Variants in PCSK2 observed in about 807,000 individuals in gnomAD.
The protein encoded by PCSK2 is proprotein convertase subtilisin/kexin type 2, also known as neuroendocrine convertase 2.
In PCSK2, 14 loss-of-function variants were observed where a neutral mutation model predicts 69.7. The observed-to-expected ratio is 0.20, with a 90% CI of 0.13 to 0.31. The LOEUF (loss-of-function observed/expected upper bound fraction) is 0.31. PCSK2 is among the 10% of genes least tolerant of loss of function. PCSK2 has a pLI of 1.00. For synonymous variants in PCSK2, 307 were observed against 320.7 expected (o/e 0.96, Z 0.46); for missense variants, 544 against 842.5 (o/e 0.65, Z 4.39).
intron 1 of PCSK2, among the ~76,000 whole-genome samples, chr20:17,252,575 C>T (rs1987022709): frequency 6.6e-6 from 1 of 152,194 alleles, no homozygotes; most frequent in African/African-American, 2.4e-5. Context: ...AACTAACTTG[C>T]CAAAGGTCAT....
At chr20:17,448,893 C>CTTTTT (rs11468966) in intron 8 of PCSK2, among the ~76,000 whole-genome samples, 4 of 136,462 alleles carry the variant, frequency 2.9e-5, no homozygotes, top group Admixed American at 7.3e-5. Flanking sequence ...ATGCACTTGC[C>CTTTTT]TTTTTTTTTT....
intron 2 of PCSK2, among the ~76,000 whole-genome samples, chr20:17,349,676 A>G (rs1344863803): frequency 6.6e-6 from 1 of 152,220 alleles, no homozygotes; most frequent in East Asian, 1.9e-4. Context: ...AAAAATCCTC[A>G]GACTATAATA....
At chr20:17,370,531 T>A (rs1333409989) in intron 5 of PCSK2, among the ~76,000 whole-genome samples, 1 of 152,154 alleles carries the variant, frequency 6.6e-6, no homozygotes, top group Non-Finnish European at 1.5e-5. Context: ...TGACAGAAAT[T>A]AAACCAAAGC....
intron 8 of PCSK2, among the ~76,000 whole-genome samples, chr20:17,441,034 C>T (rs2032585368): frequency 6.6e-6 from 1 of 152,154 alleles, no homozygotes; most frequent in Non-Finnish European, 1.5e-5. Flanking sequence ...GGGGCTAGGC[C>T]ACACTCACCC....
At chr20:17,230,719 A>G (rs1986115565) in intron 1 of PCSK2, among the ~76,000 whole-genome samples, 1 of 152,230 alleles carries the variant, frequency 6.6e-6, no homozygotes, top group South Asian at 2.1e-4. Context: ...GACATACTAT[A>G]TCTTTATATA....
chr20:17,293,932 T>C (rs1988779766), intron 2 of PCSK2, among the ~76,000 whole-genome samples: 1 of 152,082 alleles, frequency 6.6e-6, no homozygotes, highest in Non-Finnish European at 1.5e-5. Flanking sequence ...GCTGGTCCAG[T>C]CCCTTTTTGA....
chr20:17,358,909 T>G (rs2030299087), intron 3 of PCSK2, among the ~76,000 whole-genome samples: 6 of 152,220 alleles, frequency 3.9e-5, no homozygotes. Context: ...CATCTATTAA[T>G]GCTTCCTAAA....
chr20:17,391,679 C>G (rs1000097861), intron 5 of PCSK2, among the ~76,000 whole-genome samples: 2 of 151,998 alleles, frequency 1.3e-5, no homozygotes, highest in Non-Finnish European at 2.9e-5. Flanking sequence ...GAAACAGAGA[C>G]AGTGGGACCC....
At chr20:17,429,767 C>T (rs1475065374) in intron 7 of PCSK2, among the ~76,000 whole-genome samples, 3 of 152,176 alleles carry the variant, frequency 2.0e-5, no homozygotes, top group African/African-American at 7.2e-5. Context: ...TTTTCCCAAA[C>T]TGGCCATACC....
chr20:17,276,362 T>A (rs1988074936), intron 2 of PCSK2, among the ~76,000 whole-genome samples: 1 of 152,124 alleles, frequency 6.6e-6, no homozygotes, highest in Non-Finnish European at 1.5e-5. Context: ...AATATGTGTA[T>A]GCTGAAATGT....
intron 11 of PCSK2, among the ~76,000 whole-genome samples, chr20:17,476,664 G>A (rs991734988): frequency 6.6e-6 from 1 of 152,196 alleles, no homozygotes; most frequent in Non-Finnish European, 1.5e-5. Context: ...GGAATTAATA[G>A]CTCAGATCAT....
rs1568593814 is a variant in PCSK2 at position 17,303,521 on chromosome 20, AATAT to A, written c.282+43182_282+43185del. ...ATATAATATATATTATATATAATAT[AATAT>A]ATATTATATTATATATAATATGATA... is the stretch of plus-strand genomic sequence containing the variant. On this transcript the variant is annotated intron_variant, in intron 2 of 11. Coordinates refer to ENST00000262545, the MANE Select transcript of PCSK2 (RefSeq NM_002594.5). Among the ~76,000 whole-genome samples the A allele has an allele frequency of 6.6e-4, 53 of 80,704 alleles. 2 individuals carry two copies. In the South Asian group the frequency reaches 8.6e-3, roughly 13 times the overall value. The allele number at this position is 80,704 out of a possible 152,430, so 52.9% of individuals were successfully genotyped here.
intron 7 of PCSK2, among the ~76,000 whole-genome samples, chr20:17,432,096 G>C (rs1401564674): frequency 6.6e-6 from 1 of 152,170 alleles, no homozygotes; most frequent in Non-Finnish European, 1.5e-5. Context: ...TCTTAACCCA[G>C]GGATTCAAAA....
intron 8 of PCSK2, among the ~76,000 whole-genome samples, chr20:17,449,432 G>A (rs939998356): frequency 3.3e-5 from 5 of 151,244 alleles, no homozygotes; most frequent in Non-Finnish European, 7.4e-5. Context: ...GCCAAGTGTG[G>A]CAATATTTGC....
chr20:17,338,044 T>C (rs1990403815), intron 2 of PCSK2, among the ~76,000 whole-genome samples: 1 of 151,634 alleles, frequency 6.6e-6, no homozygotes, highest in Non-Finnish European at 1.5e-5. Flanking sequence ...GGAACTTGGG[T>C]TCAGGTCAGG....
intron 2 of PCSK2, among the ~76,000 whole-genome samples, chr20:17,306,393 A>G (rs1989329459): frequency 6.6e-6 from 1 of 152,172 alleles, no homozygotes; most frequent in South Asian, 2.1e-4. Context: ...GAAAAGGCTG[A>G]AGCTTCCCAA....
chr20:17,252,120 T>C (rs542568402), intron 1 of PCSK2, among the ~76,000 whole-genome samples: 1 of 152,254 alleles, frequency 6.6e-6, no homozygotes, highest in African/African-American at 2.4e-5. Flanking sequence ...AGAAGTCACA[T>C]GGCATCACTT....
intron 2 of PCSK2, among the ~76,000 whole-genome samples, chr20:17,313,739 G>A (rs561629471): frequency 1.3e-5 from 2 of 152,232 alleles, no homozygotes; most frequent in South Asian, 4.1e-4. Flanking sequence ...TTCTCTGCAA[G>A]TCAACTCTTG....
In PCSK2 at chr20:17,390,713, T is replaced by C. The variant is rs115553371; in HGVS notation, c.544-18550T>C. ...CTTTTTTCCTTATTTGCCTTTTTAA[T>C]ATAGAATCAAGGCTTGCTCATCATC... On this transcript the variant is annotated intron_variant, in intron 5 of 11. Coordinates refer to ENST00000262545, the MANE Select transcript of PCSK2 (RefSeq NM_002594.5). 5.2e-3 allele frequency among the ~76,000 whole-genome samples: 791 copies of C among 152,336 alleles called. 8 individuals carry two copies. The highest frequency in any genetic ancestry group is 0.018 in the African/African-American group (761 of 41,584).
Sources: allele counts gnomAD v4.1 joint callset (sites outside exome capture counted in the v4.1 genomes callset), GRCh38; gene constraint gnomAD v4.1.1; transcripts MANE v1.5; gene names NCBI Gene and HGNC (gene_info 2026-07-23, HGNC 2026-07-21).